Variants in UGP2 observed in about 807,000 individuals in gnomAD.
UGP2 encodes the protein UTP--glucose-1-phosphate uridylyltransferase.
A neutral mutation model predicts 49.0 loss-of-function variants in UGP2; 40 were observed. That is an observed-to-expected ratio of 0.82 (90% CI 0.63 to 1.06). The LOEUF is 1.06. UGP2 is among the 50% of genes least tolerant of loss of function. The pLI is 0.00. For missense variants in UGP2, 460 were observed against 603.5 expected, an observed-to-expected ratio of 0.76 and a Z score of 2.49; for synonymous variants, 225 against 213.0, an observed-to-expected ratio of 1.06 and a Z score of -0.49.
intron 3 of UGP2, among the ~76,000 whole-genome samples, chr2:63,876,951 AT>A (rs1164544503): frequency 2.0e-5 from 3 of 152,266 alleles, no homozygotes; most frequent in African/African-American, 7.2e-5. Flanking sequence ...CTAGAAGTAT[AT>A]TTAGTATACC....
intron 6 of UGP2, among the ~76,000 whole-genome samples, chr2:63,886,133 CAT>C (rs763606527): frequency 2.8e-4 from 43 of 152,218 alleles, no homozygotes; most frequent in East Asian, 5.8e-4. Flanking sequence ...AAATCTGAAA[CAT>C]GTGAAATCTT....
In UGP2 at chr2:63,891,324, T is replaced by A; in HGVS notation, c.*97T>A. The A allele has an allele frequency of 9.9e-7, 1 of 1,005,052 alleles. No individual in the cohort carries two copies. Among genetic ancestry groups the A allele is most frequent in the Non-Finnish European group, 1.5e-6 (1 of 670,844 alleles). The allele number at this position is 1,005,052 out of a possible 1,614,324, so 62.3% of individuals were successfully genotyped here. On this transcript the variant is annotated 3_prime_UTR_variant, in exon 10 of 10. Coordinates refer to ENST00000337130, the MANE Select transcript of UGP2 (RefSeq NM_006759.4). ...ATAGGCAGGTACTTTACTATGTTAC[T>A]GTACCCTGCAGTGTTGATTTTTAAA... is the stretch of plus-strand genomic sequence containing the variant.
At chr2:63,868,417 T>G (rs1670317049) in intron 3 of UGP2, among the ~76,000 whole-genome samples, 1 of 152,202 alleles carries the variant, frequency 6.6e-6, no homozygotes, top group African/African-American at 2.4e-5. Context: ...AATAAGACAG[T>G]GGATTCAGTT....
chr2:63,860,484 T>C (rs1669760491), intron 3 of UGP2, among the ~76,000 whole-genome samples: 1 of 152,250 alleles, frequency 6.6e-6, no homozygotes, highest in Non-Finnish European at 1.5e-5. Flanking sequence ...CCCATTTTAG[T>C]GTATGTATTT....
At chr2:63,882,270 T>C (rs570621092) in intron 3 of UGP2, among the ~76,000 whole-genome samples, 196 bp from the exon 4 acceptor site, 1 of 152,292 alleles carries the variant, frequency 6.6e-6, no homozygotes, top group South Asian at 2.1e-4. Flanking sequence ...ACTGAACTAC[T>C]GTGTGCAAGG....
intron 1 of UGP2, among the ~76,000 whole-genome samples, chr2:63,843,823 C>A (rs2104232294): frequency 6.6e-6 from 1 of 152,286 alleles, no homozygotes; most frequent in Admixed American, 6.5e-5. Context: ...GATTACAGTT[C>A]CCATGATTCA....
At chr2:63,879,761 C>T (rs1227616544) in intron 3 of UGP2, among the ~76,000 whole-genome samples, 8 of 152,070 alleles carry the variant, frequency 5.3e-5, no homozygotes, top group African/African-American at 9.7e-5. Flanking sequence ...TTTATGTATG[C>T]GATGTACCAC....
intron 8 of UGP2, 87 bp from the exon 9 acceptor site, chr2:63,889,994 G>C: frequency 1.9e-6 from 2 of 1,040,694 alleles, no homozygotes; most frequent in East Asian, 2.5e-5. Flanking sequence ...GGTTTCTACA[G>C]TTCAGTTAAA....
intron 3 of UGP2, among the ~76,000 whole-genome samples, chr2:63,875,610 T>C (rs1047659670): frequency 2.0e-5 from 3 of 152,228 alleles, no homozygotes; most frequent in Non-Finnish European, 4.4e-5. Flanking sequence ...GAGGGCTGAA[T>C]GTTGTTTAGA....
intron 1 of UGP2, chr2:63,855,530 T>TG (rs1669345935): frequency 3.4e-6 from 1 of 291,422 alleles, no homozygotes; most frequent in Non-Finnish European, 6.9e-6. Context: ...GTTTTTTTTT[T>TG]TTTTTTTTTT....
intron 3 of UGP2, among the ~76,000 whole-genome samples, chr2:63,869,479 A>G (rs1670399405): frequency 6.6e-6 from 1 of 152,118 alleles, no homozygotes; most frequent in Admixed American, 6.5e-5. Context: ...CTAACCTTTT[A>G]TTTGTAGTAA....
Position 63,887,566 on chromosome 2 carries a change from T to C in UGP2, c.1236T>C (p.Asn412=). ...LLVMSNLYSL[N]AGSLTMSEKR... ...TGATGTCAAACCTCTATAGTCTTAA[T>C]GCAGGATCTCTGACAATGAGTGAAA... The change falls in exon 8 of 10, where the codon AAT becomes AAC. Residue 412 remains asparagine (N), a synonymous_variant. Coordinates refer to ENST00000337130, the MANE Select transcript of UGP2 (RefSeq NM_006759.4). The C allele has an allele frequency of 6.2e-7, 1 of 1,614,198 alleles. No individual in the cohort carries two copies. Among genetic ancestry groups the C allele is most frequent in the South Asian group, 1.1e-5 (1 of 91,090 alleles).
intron 3 of UGP2, among the ~76,000 whole-genome samples, chr2:63,880,332 C>A (rs541429182): frequency 6.6e-6 from 1 of 152,096 alleles, no homozygotes; most frequent in Non-Finnish European, 1.5e-5. Context: ...CACCACCATG[C>A]CTGGCTAATT....
At chr2:63,884,740 C>T (rs1022383297) in intron 5 of UGP2, among the ~76,000 whole-genome samples, 3 of 151,742 alleles carry the variant, frequency 2.0e-5, no homozygotes, top group Non-Finnish European at 4.4e-5. Context: ...AATGAGACGT[C>T]GTCTCTACAA....
chr2:63,848,647 C>G (rs978420303), intron 1 of UGP2, among the ~76,000 whole-genome samples: 1 of 152,230 alleles, frequency 6.6e-6, no homozygotes, highest in African/African-American at 2.4e-5. Context: ...CAGGTGTGAG[C>G]CACTGCGCCC....
At chr2:63,868,976 A>C (rs575041322) in intron 3 of UGP2, among the ~76,000 whole-genome samples, 3 of 152,236 alleles carry the variant, frequency 2.0e-5, no homozygotes, top group Non-Finnish European at 4.4e-5. Flanking sequence ...AAAAAAAAAA[A>C]AAGAAAGTAT....
At chr2:63,842,684 C>A in intron 1 of UGP2, 3 of 1,296,176 alleles carry the variant, frequency 2.3e-6, no homozygotes, top group South Asian at 1.9e-5. Flanking sequence ...GTCTCAGATT[C>A]ACTTATTGCG....
chr2:63,842,335 A>G (rs994664770), intron 1 of UGP2, 131 bp downstream of exon 1: 1 of 1,603,944 alleles, frequency 6.2e-7, no homozygotes, highest in Non-Finnish European at 8.5e-7. Flanking sequence ...CTTTTCGTTG[A>G]ATTGTCATCT....
At chr2:63,841,815 G>A (rs1671562818), upstream of UGP2, 1 of 193,274 alleles carries the variant, frequency 5.2e-6, no homozygotes, top group Non-Finnish European at 1.1e-5. Context: ...AGGGCGTGGG[G>A]ACTTGGGGGC....
Sources: allele counts gnomAD v4.1 joint callset (sites outside exome capture counted in the v4.1 genomes callset), GRCh38; gene constraint gnomAD v4.1.1; transcripts MANE v1.5; gene names NCBI Gene and HGNC (gene_info 2026-07-23, HGNC 2026-07-21).